Variants in TACR3 observed in about 807,000 individuals in gnomAD.
The protein encoded by TACR3 is tachykinin receptor 3.
A neutral mutation model predicts 35.0 loss-of-function variants in TACR3; 34 were observed. The ratio of observed to expected loss-of-function variants is 0.97; its 90% confidence interval spans 0.74 to 1.30. The LOEUF (loss-of-function observed/expected upper bound fraction) is 1.30, where lower values mean the gene tolerates loss of function less well. Ranked by LOEUF, TACR3 falls within the 50% of genes most tolerant of loss-of-function variation. TACR3 has a pLI of 0.00. For synonymous variants in TACR3, 233 were observed against 221.1 expected (o/e 1.05, Z -0.48); for missense variants, 558 against 591.7 (o/e 0.94, Z 0.59).
Position 103,651,386 on chromosome 4 carries a change from G to A in TACR3, c.888+4808C>T, listed in dbSNP as rs531694513. 4.0e-5 allele frequency among the ~76,000 whole-genome samples: 6 copies of A among 151,888 alleles called. No homozygotes were observed. In the East Asian group the frequency reaches 5.9e-4, roughly 15 times the overall value. On this transcript the variant is annotated intron_variant, in intron 3 of 4. Coordinates refer to ENST00000304883, the MANE Select transcript of TACR3 (RefSeq NM_001059.3). ...GGCCACCACTGCCACAGGCCTACAG[G>A]GAGTACTGCCAGACTACCACCTATG...
chr4:103,630,907 A>G (rs888337876), intron 3 of TACR3, among the ~76,000 whole-genome samples: 15 of 152,198 alleles, frequency 9.9e-5, no homozygotes, highest in Non-Finnish European at 1.9e-4. Context: ...ACTATTCACA[A>G]TAGCAAAGAC....
At chr4:103,715,879 C>T (rs1560543554) in intron 1 of TACR3, among the ~76,000 whole-genome samples, 1 of 151,904 alleles carries the variant, frequency 6.6e-6, no homozygotes, top group East Asian at 1.9e-4. Context: ...TCAAGTAAAA[C>T]ATAGAATATA....
In TACR3 at chr4:103,719,157, G is replaced by C; in HGVS notation, c.519C>G (p.Ile173Met). The change falls in exon 1 of 5, where the codon ATC becomes ATG. Residue 173 changes from isoleucine to methionine, a missense_variant. Transcript: ENST00000304883. ...CCACCGCAATGGCCGTCATGGAGTA[G>C]ATGCTGGCGAACACAGCTGTGATAG... ...FFPITAVFASIYSMTAIAVDR... is the reference protein window; with the variant it reads ...FFPITAVFASMYSMTAIAVDR... 6.2e-7 allele frequency: 1 copy of C among 1,614,184 alleles called. No homozygotes were observed. The highest frequency in any genetic ancestry group is 8.5e-7 in the Non-Finnish European group (1 of 1,180,044).
chr4:103,719,666 G>T lies in TACR3; in HGVS notation c.10C>A (p.Leu4Ile). Residue 4 changes from leucine (L) to isoleucine (I), a missense_variant, in exon 1 of 5, where the codon CTC (leucine) becomes ATC (isoleucine). Coordinates refer to ENST00000304883, the MANE Select transcript of TACR3 (RefSeq NM_001059.3). MAT[L>I]PAAETWIDGG... ...TCTATCCAGGTTTCTGCTGCTGGGAGAGTGGCCATCGCCACCGGTCTGCAG... is the reference window on the plus strand; with the variant it reads ...TCTATCCAGGTTTCTGCTGCTGGGATAGTGGCCATCGCCACCGGTCTGCAG... 3 of 1,610,466 alleles carry T rather than the reference G, an allele frequency of 1.9e-6. No homozygotes were observed. Among genetic ancestry groups the T allele is most frequent in the South Asian group, 2.2e-5 (2 of 91,078 alleles).
At chr4:103,635,333 G>C (rs916741987) in intron 3 of TACR3, among the ~76,000 whole-genome samples, 1 of 151,846 alleles carries the variant, frequency 6.6e-6, no homozygotes, top group African/African-American at 2.4e-5. Flanking sequence ...AGATTGAAGA[G>C]AAAGAATATA....
chr4:103,694,918 C>T (rs926778732), intron 1 of TACR3, among the ~76,000 whole-genome samples: 18 of 152,200 alleles, frequency 1.2e-4, no homozygotes, highest in African/African-American at 4.3e-4. Flanking sequence ...TTGATATCAA[C>T]AATCAATTTG....
chr4:103,703,774 G>A (rs1254068699), intron 1 of TACR3, among the ~76,000 whole-genome samples: 1 of 152,070 alleles, frequency 6.6e-6, no homozygotes, highest in African/African-American at 2.4e-5. Context: ...AGAACTGCAA[G>A]TAGAAGATGA....
intron 1 of TACR3, among the ~76,000 whole-genome samples, chr4:103,713,224 C>T (rs1280229961): frequency 2.0e-5 from 3 of 151,900 alleles, no homozygotes; most frequent in Non-Finnish European, 2.9e-5. Flanking sequence ...TGGAACCAAC[C>T]CAAATGTCCA....
At chr4:103,598,557 T>G (rs989482861) in intron 3 of TACR3, among the ~76,000 whole-genome samples, 7 of 152,232 alleles carry the variant, frequency 4.6e-5, no homozygotes, top group East Asian at 1.9e-4. Context: ...GTATTGCCTA[T>G]GTTTTCTTCT....
At position 103,719,537 on chromosome 4, in the gene TACR3, G is replaced by C. The variant is rs1407988538; in HGVS notation, c.139C>G (p.Gln47Glu). Residue 47 changes from glutamine to glutamate, a missense_variant, in exon 1 of 5, where the codon CAA becomes GAA. Transcript: ENST00000304883. Reference protein sequence around the residue: ...VETGWLQLLDQAGNLSSSPSA... With the variant: ...VETGWLQLLDEAGNLSSSPSA... ...GGGGAGGAGGAGAGGTTGCCAGCTTGGTCCAGCAGTTGCAGCCACCCAGTC... is the reference window on the plus strand; with the variant it reads ...GGGGAGGAGGAGAGGTTGCCAGCTTCGTCCAGCAGTTGCAGCCACCCAGTC... 1 of 1,607,590 alleles carries C rather than the reference G, an allele frequency of 6.2e-7. No individual in the cohort carries two copies.
At chr4:103,666,359 A>G (rs934640508) in intron 1 of TACR3, among the ~76,000 whole-genome samples, 1 of 152,156 alleles carries the variant, frequency 6.6e-6, no homozygotes, top group Non-Finnish European at 1.5e-5. Flanking sequence ...AGGTAGGAGA[A>G]AGCAGAGTGC....
At chr4:103,700,091 G>A (rs1360755890) in intron 1 of TACR3, among the ~76,000 whole-genome samples, 2 of 152,130 alleles carry the variant, frequency 1.3e-5, no homozygotes, top group Non-Finnish European at 2.9e-5. Context: ...CGAGTCATGT[G>A]CTGGTAAATG....
intron 1 of TACR3, among the ~76,000 whole-genome samples, chr4:103,688,401 A>G (rs1465598387): frequency 6.6e-6 from 1 of 151,964 alleles, no homozygotes; most frequent in Non-Finnish European, 1.5e-5. Flanking sequence ...GACAAATGGG[A>G]TCTAATTAAA....
intron 3 of TACR3, among the ~76,000 whole-genome samples, chr4:103,636,924 TC>T (rs1258636229): frequency 2.0e-5 from 3 of 152,008 alleles, no homozygotes; most frequent in African/African-American, 7.2e-5. Flanking sequence ...AATAACAGGC[TC>T]TGAAATTGTG....
intron 1 of TACR3, among the ~76,000 whole-genome samples, chr4:103,677,479 T>C (rs923767712): frequency 6.6e-6 from 1 of 152,042 alleles, no homozygotes; most frequent in Non-Finnish European, 1.5e-5. Context: ...AGCAATAGAC[T>C]AGATAAAGAA....
At chr4:103,693,550 G>A (rs1383066759) in intron 1 of TACR3, among the ~76,000 whole-genome samples, 7 of 151,780 alleles carry the variant, frequency 4.6e-5, no homozygotes, top group Non-Finnish European at 1.5e-5. Context: ...TTTAATTATT[G>A]TAAAAATGTT....
chr4:103,675,966 C>G (rs1726161331), intron 1 of TACR3, among the ~76,000 whole-genome samples: 1 of 152,064 alleles, frequency 6.6e-6, no homozygotes, highest in African/African-American at 2.4e-5. Context: ...AAATTTCTAC[C>G]CATGCTTTAA....
intron 1 of TACR3, among the ~76,000 whole-genome samples, chr4:103,686,536 T>A (rs1273980967): frequency 6.6e-6 from 1 of 152,058 alleles, no homozygotes; most frequent in Non-Finnish European, 1.5e-5. Context: ...CAAGAAATGA[T>A]AACAGTAAAC....
In TACR3 at chr4:103,586,620, C is replaced by T. The variant is rs1723776122; in HGVS notation, c.*3062G>A. Reference sequence around the variant, plus strand: ...ATGTGCTTTGTAAGGGCGGGGTTCACTCTGAAATTGCTCAGTTCACTGTTT... The same window carrying T: ...ATGTGCTTTGTAAGGGCGGGGTTCATTCTGAAATTGCTCAGTTCACTGTTT... On this transcript the variant is annotated 3_prime_UTR_variant, in exon 5 of 5. Coordinates refer to ENST00000304883, the MANE Select transcript of TACR3 (RefSeq NM_001059.3). 6.6e-6 allele frequency: 1 copy of T among 152,044 alleles called. No homozygotes were observed. The highest frequency in any genetic ancestry group is 6.6e-5 in the Admixed American group (1 of 15,226). The allele number at this position is 152,044 out of a possible 1,614,324, so 9.4% of individuals were successfully genotyped here. A position where few individuals can be genotyped will look rare whatever the true frequency, so the allele number is the denominator to read the frequency against.
Sources: gnomAD v4.1 joint callset for allele counts (sites outside exome capture counted in the v4.1 genomes callset) on GRCh38, gnomAD v4.1.1 for gene constraint, MANE v1.5 for transcripts, NCBI Gene and HGNC (gene_info 2026-07-23, HGNC 2026-07-21) for gene names.